MALT1: variants seen among roughly 807,000 people sequenced by gnomAD.
MALT1 encodes mucosa-associated lymphoid tissue lymphoma translocation protein 1.
Under a neutral mutation model 85.5 loss-of-function variants are expected in MALT1, and 36 were observed. The observed-to-expected ratio is 0.42, with a 90% CI of 0.32 to 0.56. MALT1 has a LOEUF of 0.56. Among genes scored for constraint, MALT1 ranks in the 20% least tolerant of loss-of-function variants. The probability of loss-of-function intolerance (pLI) is 0.10; values close to 1 mark genes in which losing one functional copy is unlikely to be tolerated. For synonymous variants in MALT1, 359 were observed against 361.3 expected (o/e 0.99, Z 0.07); for missense variants, 716 against 981.6 (o/e 0.73, Z 3.62).
intron 3 of MALT1, among the ~76,000 whole-genome samples, chr18:58,698,214 G>A (rs1386268528): frequency 1.3e-5 from 2 of 151,820 alleles, no homozygotes; most frequent in Non-Finnish European, 2.9e-5. Flanking sequence ...TTACAGGCGC[G>A]CATCACCACG....
chr18:58,714,997 A>G (rs932168786), intron 8 of MALT1, among the ~76,000 whole-genome samples: 2 of 152,208 alleles, frequency 1.3e-5, no homozygotes, highest in Non-Finnish European at 2.9e-5. Context: ...CTGACTGTAT[A>G]TAAGCAAACT....
chr18:58,724,069 A>G lies in MALT1; in HGVS notation c.1222+818A>G, dbSNP rs545691378. Among the ~76,000 whole-genome samples the G allele has an allele frequency of 9.2e-5, 14 of 152,328 alleles. No homozygotes were observed. In the South Asian group the frequency reaches 1.2e-3, roughly 14 times the overall value. ...TTCCAGGCCTGTTGTTAGGCATGCA[A>G]TGATAAACAAAAAGTACCGGTTTGG... On this transcript the variant is annotated intron_variant, in intron 10 of 16. Transcript: ENST00000649217.
At position 58,696,337 on chromosome 18, in the gene MALT1, ATTTTTTTTTTTTTTTT is replaced by A; in HGVS notation, c.377-18_377-3del. On this transcript the variant is annotated splice_polypyrimidine_tract_variant and intron_variant, in intron 2 of 16. Coordinates refer to ENST00000649217, the MANE Select transcript of MALT1 (RefSeq NM_006785.4). ...AAGGAAAATCCCTCTTGTGACTTTA[ATTTTTTTTTTTTTTTT>A]TTTTTTTTTTAGGAATAAAGATTAC... 1.0e-6 allele frequency: 1 copy of A among 990,752 alleles called. No individual in the cohort carries two copies. The highest frequency in any genetic ancestry group is 1.3e-6 in the Non-Finnish European group (1 of 769,252). 61.4% of individuals were successfully genotyped at this position (990,752 alleles called of 1,614,324 possible). A position where few individuals can be genotyped will look rare whatever the true frequency, so the allele number is the denominator to read the frequency against.
intron 1 of MALT1, 63 bp from the exon 2 acceptor site, chr18:58,681,107 A>G: frequency 6.7e-7 from 1 of 1,495,038 alleles, no homozygotes; most frequent in Non-Finnish European, 9.2e-7. Context: ...CGTGGTCCAG[A>G]TATATAGCAG....
chr18:58,717,100 A>G (rs1263457609), intron 9 of MALT1, among the ~76,000 whole-genome samples: 2 of 152,300 alleles, frequency 1.3e-5, no homozygotes, highest in South Asian at 2.1e-4. Context: ...GGTGGCTCAC[A>G]CCTGTAGTCC....
At chr18:58,689,048 G>T (rs1417044417) in intron 2 of MALT1, among the ~76,000 whole-genome samples, 1 of 152,038 alleles carries the variant, frequency 6.6e-6, no homozygotes. Flanking sequence ...GCTATTGGGG[G>T]TGCTGAGGTG....
In MALT1 at chr18:58,671,619, C is replaced by G; in HGVS notation, c.-25C>G. 6 of 1,206,676 alleles carry G rather than the reference C, an allele frequency of 5.0e-6. No individual in the cohort carries two copies. The highest frequency in any genetic ancestry group is 6.2e-6 in the Non-Finnish European group (6 of 970,436). The allele number at this position is 1,206,676 out of a possible 1,614,324, so 74.7% of individuals were successfully genotyped here. A position where few individuals can be genotyped will look rare whatever the true frequency, so the allele number is the denominator to read the frequency against. On this transcript the variant is annotated 5_prime_UTR_variant, in exon 1 of 17. Coordinates refer to ENST00000649217, the MANE Select transcript of MALT1 (RefSeq NM_006785.4). ...GTGACGGGGCGGGCGGGAGCCCCGG[C>G]AGTCCGGGGTCGCCGGCGAGGGCCA... is the stretch of plus-strand genomic sequence containing the variant.
intron 7 of MALT1, among the ~76,000 whole-genome samples, chr18:58,712,025 C>A (rs1394645493): frequency 6.6e-6 from 1 of 152,146 alleles, no homozygotes; most frequent in Non-Finnish European, 1.5e-5. Context: ...TATAAGCTAG[C>A]CCCGCTGTTT....
chr18:58,743,575 C>A (rs748113833), intron 14 of MALT1, among the ~76,000 whole-genome samples: 4 of 151,372 alleles, frequency 2.6e-5, no homozygotes, highest in Non-Finnish European at 4.4e-5. Context: ...CTTCATAAAA[C>A]AAAATGAAAA....
Position 58,747,892 on chromosome 18 carries a change from A to G in MALT1, c.*50A>G. 6.9e-7 allele frequency: 1 copy of G among 1,442,968 alleles called. No individual in the cohort carries two copies. The highest frequency in any genetic ancestry group is 9.6e-7 in the Non-Finnish European group (1 of 1,041,796). The allele number at this position is 1,442,968 out of a possible 1,614,324, so 89.4% of individuals were successfully genotyped here. On this transcript the variant is annotated 3_prime_UTR_variant, in exon 17 of 17. Transcript: ENST00000649217. Reference sequence around the variant, plus strand: ...TAATTTTAGATGCCTGTGAAATAGTACTGCACTTACATAAAGTGAGACATT... The same window carrying G: ...TAATTTTAGATGCCTGTGAAATAGTGCTGCACTTACATAAAGTGAGACATT...
intron 13 of MALT1, among the ~76,000 whole-genome samples, chr18:58,740,848 A>T (rs1042775962): frequency 3.9e-5 from 6 of 152,130 alleles, no homozygotes; most frequent in African/African-American, 1.2e-4. Context: ...AATAATTGAG[A>T]TGTTGAAATC....
chr18:58,733,740 T>G, intron 11 of MALT1, 166 bp downstream of exon 11: 1 of 740,270 alleles, frequency 1.4e-6, no homozygotes, highest in South Asian at 2.2e-5. Flanking sequence ...TCCATGTATA[T>G]CTAATTATTT....
At chr18:58,698,211 C>T (rs995632982) in intron 3 of MALT1, among the ~76,000 whole-genome samples, 9 of 151,800 alleles carry the variant, frequency 5.9e-5, no homozygotes, top group Admixed American at 3.3e-4. Context: ...GGATTACAGG[C>T]GCGCATCACC....
chr18:58,724,558 A>C (rs2055027428), intron 10 of MALT1, among the ~76,000 whole-genome samples: 1 of 152,226 alleles, frequency 6.6e-6, no homozygotes, highest in Non-Finnish European at 1.5e-5. Context: ...CTGAAAATCC[A>C]AAGTCTAAAA....
chr18:58,698,908 A>C (rs2054632953), intron 3 of MALT1, among the ~76,000 whole-genome samples: 1 of 152,188 alleles, frequency 6.6e-6, no homozygotes, highest in Admixed American at 6.5e-5. Context: ...AAAGTCCCCA[A>C]AGAGAGATTT....
chr18:58,703,997 A>G (rs2054710635), intron 4 of MALT1, among the ~76,000 whole-genome samples: 1 of 152,158 alleles, frequency 6.6e-6, no homozygotes, highest in Admixed American at 6.5e-5. Flanking sequence ...CATGTTGTTC[A>G]GTGTATCATT....
In MALT1 at chr18:58,737,161, C is replaced by T. The variant is rs534418782; in HGVS notation, c.1603+1832C>T. 7.9e-5 allele frequency among the ~76,000 whole-genome samples: 12 copies of T among 151,950 alleles called. No individual in the cohort carries two copies. The East Asian group carries it at 2.3e-3, about 29-fold the overall frequency. On this transcript the variant is annotated intron_variant, in intron 13 of 16. Coordinates refer to ENST00000649217, the MANE Select transcript of MALT1 (RefSeq NM_006785.4). The stretch of plus-strand genomic sequence containing the variant: ...TTCAAGACCAGTCTGGGCAACACAG[C>T]AAGACCCCATCTCAATTTAAAAAAA...
chr18:58,735,361 GAAAAAGGAGAGCAGGGGAGAC>G, intron 13 of MALT1, 32 bp downstream of exon 13: 1 of 1,574,686 alleles, frequency 6.4e-7, no homozygotes, highest in South Asian at 1.2e-5. Context: ...AAAGTACTCA[GAAAAAGGAGAGCAGGGGAGAC>G]ACACCTATTC....
At chr18:58,730,406 A>G (rs1219668264) in intron 10 of MALT1, among the ~76,000 whole-genome samples, 1 of 152,198 alleles carries the variant, frequency 6.6e-6, no homozygotes, top group African/African-American at 2.4e-5. Context: ...GAATCACCCA[A>G]TATGTGGCCT....
Sources: gnomAD v4.1 joint callset for allele counts (sites outside exome capture counted in the v4.1 genomes callset) on GRCh38, gnomAD v4.1.1 for gene constraint, MANE v1.5 for transcripts, NCBI Gene and HGNC (gene_info 2026-07-23, HGNC 2026-07-21) for gene names.